GPR4: variants seen among roughly 807,000 people sequenced by gnomAD.
GPR4 encodes the protein G-prodeshotein coupled receptor 4.
Under a neutral mutation model 17.8 loss-of-function variants are expected in GPR4, and 11 were observed. The observed-to-expected ratio is 0.62, with a 90% confidence interval of 0.39 to 1.02. The LOEUF is 1.02. Among genes scored for constraint, GPR4 ranks in the 50% least tolerant of loss-of-function variants. The probability of loss-of-function intolerance (pLI) is 0.00; values close to 1 mark genes in which losing one functional copy is unlikely to be tolerated. For synonymous variants in GPR4, 219 were observed against 222.8 expected (o/e 0.98, Z 0.15); for missense variants, 364 against 495.4 (o/e 0.73, Z 2.52).
intron 1 of GPR4, among the ~76,000 whole-genome samples, chr19:45,598,377 C>T (rs1393431031): frequency 2.6e-5 from 4 of 152,034 alleles, no homozygotes; most frequent in Non-Finnish European, 4.4e-5. Flanking sequence ...CACTTTCTAT[C>T]GACCCCCAGG....
At position 45,590,558 on chromosome 19, in the gene GPR4, C is replaced by G; in HGVS notation, c.*220G>C. 1.9e-6 allele frequency: 1 copy of G among 517,004 alleles called. No individual in the cohort carries two copies. The highest frequency in any genetic ancestry group is 3.4e-6 in the Non-Finnish European group (1 of 297,684). 32.0% of individuals were successfully genotyped at this position (517,004 alleles called of 1,614,324 possible). A position where few individuals can be genotyped will look rare whatever the true frequency, so the allele number is the denominator to read the frequency against. ...CTGTCTCCAAAAAAATATATTTACT[C>G]ATCTCCTCCTTCAGGAGGCCCTCCA... On this transcript the variant is annotated 3_prime_UTR_variant, in exon 2 of 2. Coordinates refer to ENST00000323040, the MANE Select transcript of GPR4 (RefSeq NM_005282.3).
Position 45,591,339 on chromosome 19 carries a change from G to A in GPR4, c.528C>T (p.Gly176=), listed in dbSNP as rs3745820. 409,213 of 1,612,856 alleles carry A rather than the reference G, an allele frequency of 0.25. 55,178 individuals carry two copies. Among genetic ancestry groups the A allele is most frequent in the Non-Finnish European group, 0.28 (327,399 of 1,179,708 alleles). Residue 176 remains glycine (G), a synonymous_variant, in exon 2 of 2, where the codon GGC becomes GGT. Transcript: ENST00000323040. This position sits in a 1 kb window ranked among gnomAD's most constrained non-coding sequence, Gnocchi z 7.6. The part of the protein sequence containing the change: ...TFCFEKFPME[G]WVAWMNLYRV... ...GATAGAGGTTCATCCAGGCCACCCA[G>A]CCTTCCATGGGGAACTTCTCAAAGC...
intron 1 of GPR4, among the ~76,000 whole-genome samples, chr19:45,600,607 CT>C (rs978544576): frequency 6.6e-6 from 1 of 152,204 alleles, no homozygotes; most frequent in African/African-American, 2.4e-5. Context: ...GAAGCCAGCT[CT>C]GTGGATTTGG....
At chr19:45,601,889 C>T (rs1970114974) in intron 1 of GPR4, among the ~76,000 whole-genome samples, 1 of 152,108 alleles carries the variant, frequency 6.6e-6, no homozygotes, top group Admixed American at 6.5e-5. Flanking sequence ...CGTCCAGAGG[C>T]AGAGGGACCA....
chr19:45,598,920 A>G (rs987357094), intron 1 of GPR4, among the ~76,000 whole-genome samples: 2 of 152,142 alleles, frequency 1.3e-5, no homozygotes, highest in Non-Finnish European at 2.9e-5. Context: ...ACCTACTAGA[A>G]GATACGACCT....
chr19:45,598,284 G>A (rs1369053387), intron 1 of GPR4, among the ~76,000 whole-genome samples: 5 of 151,980 alleles, frequency 3.3e-5, no homozygotes, highest in Admixed American at 6.6e-5. Flanking sequence ...ATTATTCCAC[G>A]GGGACTAGGG....
intron 1 of GPR4, among the ~76,000 whole-genome samples, chr19:45,595,316 T>C (rs867377729): frequency 7.4e-6 from 1 of 135,612 alleles, no homozygotes; most frequent in Non-Finnish European, 1.6e-5. Flanking sequence ...AATAAATAAA[T>C]AAAAAATAAC....
chr19:45,595,300 TAAATAAATAAATAAATAAAA>T (rs1276352839), intron 1 of GPR4, among the ~76,000 whole-genome samples: 25 of 135,534 alleles, frequency 1.8e-4, no homozygotes, highest in Non-Finnish European at 2.4e-4. Context: ...AATAAATAAA[TAAATAAATAAATAAATAAAA>T]AATAACTGGA....
At chr19:45,594,636 C>T (rs1970038887) in intron 1 of GPR4, among the ~76,000 whole-genome samples, 1 of 152,162 alleles carries the variant, frequency 6.6e-6, no homozygotes, top group South Asian at 2.1e-4. Flanking sequence ...TAGAGTGCAG[C>T]CATCTCTGCT....
intron 1 of GPR4, among the ~76,000 whole-genome samples, chr19:45,595,320 AAAT>A: frequency 1.7e-5 from 1 of 59,520 alleles, no homozygotes; most frequent in South Asian, 5.5e-4. Context: ...AATAAATAAA[AAAT>A]AACTGGACAG....
chr19:45,598,508 C>T (rs1970080617), intron 1 of GPR4, among the ~76,000 whole-genome samples: 1 of 152,108 alleles, frequency 6.6e-6, no homozygotes, highest in South Asian at 2.1e-4. Flanking sequence ...CCCCTCCTCC[C>T]TCCCACCCCT....
At chr19:45,598,725 C>T (rs921862295) in intron 1 of GPR4, among the ~76,000 whole-genome samples, 1 of 152,198 alleles carries the variant, frequency 6.6e-6, no homozygotes, top group Non-Finnish European at 1.5e-5. Flanking sequence ...CTTCCTGGTA[C>T]AGATGGGGAA....
At chr19:45,596,735 G>T (rs577775665) in intron 1 of GPR4, among the ~76,000 whole-genome samples, 9 of 151,884 alleles carry the variant, frequency 5.9e-5, no homozygotes, top group Admixed American at 2.0e-4. Context: ...TGTGGAGATG[G>T]GGTTTCCCCA....
rs780388154 is a variant in GPR4, at chr19:45,591,737, G to A, written c.130C>T (p.Arg44Cys). Residue 44 changes from arginine (R) to cysteine (C), a missense_variant, in exon 2 of 2, where the codon CGC (arginine) becomes TGC (cysteine). Coordinates refer to ENST00000323040, the MANE Select transcript of GPR4 (RefSeq NM_005282.3). The surrounding 1 kb of genome is among the most constrained non-coding windows in gnomAD (Gnocchi z 7.6). Reference protein sequence around the residue: ...TNCLALWAAYRQVQQRNELGV... With the variant: ...TNCLALWAAYCQVQQRNELGV... The stretch of plus-strand genomic sequence containing the variant: ...AGCTCGTTGCGCTGTTGCACCTGGC[G>A]GTAGGCCGCCCACAGAGCCAGGCAG... 4 of 1,613,974 alleles carry A rather than the reference G, an allele frequency of 2.5e-6. No homozygotes were observed. In the South Asian group the frequency reaches 3.3e-5, roughly 13 times the overall value.
At chr19:45,596,005 G>A in intron 1 of GPR4, among the ~76,000 whole-genome samples, 1 of 152,190 alleles carries the variant, frequency 6.6e-6, no homozygotes, top group African/African-American at 2.4e-5. Flanking sequence ...AAAGTCCTCT[G>A]GGCTCCACCT....
At chr19:45,598,379 AC>A (rs1970078973) in intron 1 of GPR4, among the ~76,000 whole-genome samples, 1 of 151,182 alleles carries the variant, frequency 6.6e-6, no homozygotes, top group Non-Finnish European at 1.5e-5. Flanking sequence ...CTTTCTATCG[AC>A]CCCCAGGGCT....
intron 1 of GPR4, among the ~76,000 whole-genome samples, chr19:45,595,075 G>C (rs550455294): frequency 6.6e-6 from 1 of 151,510 alleles, no homozygotes; most frequent in Non-Finnish European, 1.5e-5. Context: ...TCGGGAGTTC[G>C]AGACCAGCCT....
intron 1 of GPR4, among the ~76,000 whole-genome samples, chr19:45,601,639 A>T (rs1016855879): frequency 1.3e-5 from 2 of 152,138 alleles, no homozygotes; most frequent in African/African-American, 4.8e-5. Flanking sequence ...AGAGAAAGAG[A>T]CAGGGCAATA....
rs1409645927 is a variant in GPR4 at position 45,592,354 on chromosome 19, A to G, written c.-488T>C. 1 of 168,692 alleles carries G rather than the reference A, an allele frequency of 5.9e-6. No homozygotes were observed. The highest frequency in any genetic ancestry group is 1.4e-5 in the Non-Finnish European group (1 of 69,180). The allele number at this position is 168,692 out of a possible 1,614,324, so 10.4% of individuals were successfully genotyped here. On this transcript the variant is annotated 5_prime_UTR_variant, in exon 2 of 2. Transcript: ENST00000323040. ...GAAATACATGAGAAAGTGTTGAGAT[A>G]GGACACAGCGCAGTTAGGGAGTGTT...
Sources: allele counts gnomAD v4.1 joint callset (sites outside exome capture counted in the v4.1 genomes callset), GRCh38; gene constraint gnomAD v4.1.1; non-coding constraint Gnocchi (gnomAD v3.1); transcripts MANE v1.5; gene names NCBI Gene and HGNC (gene_info 2026-07-23, HGNC 2026-07-21).